DOCK11: variants seen among roughly 807,000 people sequenced by gnomAD.
DOCK11 encodes the protein dedicator of cytokinesis 11.
DOCK11 carries 70 observed loss-of-function variants against 169.1 expected under a neutral mutation model. The ratio of observed to expected loss-of-function variants is 0.41; its 90% CI spans 0.34 to 0.51. The LOEUF is 0.51. Ranked by LOEUF, DOCK11 falls within the 20% of genes least tolerant of loss-of-function variation. The pLI is 0.10. For synonymous variants in DOCK11, 529 were observed against 541.3 expected (o/e 0.98, Z 0.32); for missense variants, 1,166 against 1,538.8 (o/e 0.76, Z 4.05).
chrX:118,524,879 G>A (rs895011287), intron 1 of DOCK11, among the ~76,000 whole-genome samples: 2 of 111,407 alleles, frequency 1.8e-5, no homozygotes, highest in Admixed American at 9.5e-5. Context: ...TGGGAGAGGT[G>A]GCTCACACCT....
intron 31 of DOCK11, among the ~76,000 whole-genome samples, chrX:118,619,495 A>T (rs900114668): frequency 2.9e-4 from 28 of 97,096 alleles, no homozygotes; most frequent in African/African-American, 9.2e-4. Flanking sequence ...AAAAAAAAAA[A>T]AAATATATAT....
rs777811564 is a variant in DOCK11, at chrX:118,593,289, A to C, written c.2215A>C (p.Ile739Leu). 8.3e-7 allele frequency: 1 copy of C among 1,205,204 alleles called. No individual in the cohort carries two copies. Among genetic ancestry groups the C allele is most frequent in the Non-Finnish European group, 1.1e-6 (1 of 893,468 alleles). Residue 739 changes from isoleucine (I) to leucine (L), a missense_variant, in exon 20 of 53, where the codon ATT (isoleucine) becomes CTT (leucine). Transcript: ENST00000276202. ...CACTTTTTATCATGTAAGTTGTGAA[A>C]TTAACACAAAGGGAACAACCAAAAA... is the stretch of plus-strand genomic sequence containing the variant. ...LFTFYHVSCE[I>L]NTKGTTKKQD...
intron 23 of DOCK11, among the ~76,000 whole-genome samples, chrX:118,601,678 C>G (rs759524917): frequency 8.9e-6 from 1 of 112,035 alleles, no homozygotes; most frequent in African/African-American, 3.2e-5. Context: ...GTGACCTACG[C>G]TCTCCCTCTA....
At chrX:118,570,055 G>A (rs1375025286) in intron 10 of DOCK11, among the ~76,000 whole-genome samples, 1 of 112,406 alleles carries the variant, frequency 8.9e-6, no homozygotes, top group Non-Finnish European at 1.9e-5. Context: ...GAAGCTTTAA[G>A]GAGAAGAAAT....
intron 49 of DOCK11, 151 bp downstream of exon 49, chrX:118,680,843 G>A: frequency 1.7e-6 from 1 of 576,941 alleles, no homozygotes; most frequent in East Asian, 3.6e-5. Flanking sequence ...ACGTCCATGT[G>A]ATAAACCATC....
At chrX:118,516,449 TC>T in intron 1 of DOCK11, among the ~76,000 whole-genome samples, 1 of 99,249 alleles carries the variant, frequency 1.0e-5, no homozygotes, top group East Asian at 3.4e-4. Flanking sequence ...CTTCTTTCTT[TC>T]TCTCTCCGCC....
At chrX:118,683,816 T>TC (rs2016795220) in intron 52 of DOCK11, among the ~76,000 whole-genome samples, 1 of 112,427 alleles carries the variant, frequency 8.9e-6, no homozygotes, top group South Asian at 3.6e-4. Context: ...CTGTCGTATT[T>TC]CCCACTTGTC....
intron 1 of DOCK11, among the ~76,000 whole-genome samples, chrX:118,498,084 A>T (rs887866800): frequency 7.3e-4 from 82 of 112,278 alleles, no homozygotes; most frequent in African/African-American, 2.6e-3. Flanking sequence ...GACCAAGGTC[A>T]TTGATTTTTA....
At chrX:118,644,864 G>A (rs781427431) in intron 40 of DOCK11, among the ~76,000 whole-genome samples, 1 of 111,781 alleles carries the variant, frequency 8.9e-6, no homozygotes, top group East Asian at 2.8e-4. Flanking sequence ...TGTATTAAGA[G>A]GGAATTGGTA....
chrX:118,596,767 T>A (rs1022456866), intron 20 of DOCK11, among the ~76,000 whole-genome samples: 3 of 111,909 alleles, frequency 2.7e-5, no homozygotes, highest in Non-Finnish European at 5.6e-5. Flanking sequence ...GGGGAAAATC[T>A]CTTGATGGAT....
At chrX:118,511,206 C>T (rs2057649255) in intron 1 of DOCK11, among the ~76,000 whole-genome samples, 1 of 112,373 alleles carries the variant, frequency 8.9e-6, no homozygotes, top group Non-Finnish European at 1.9e-5. Flanking sequence ...CACTGAAAAT[C>T]ATTATAGAAA....
chrX:118,502,569 CT>C (rs2057582206), intron 1 of DOCK11, among the ~76,000 whole-genome samples: 1 of 111,692 alleles, frequency 9.0e-6, no homozygotes, highest in South Asian at 3.7e-4. Context: ...CAGATCTGGT[CT>C]TGAACCCAAC....
In DOCK11 at chrX:118,497,724, C is replaced by G. The variant is rs768465451; in HGVS notation, c.102+1651C>G. Among the ~76,000 whole-genome samples the G allele has an allele frequency of 8.9e-5, 10 of 111,994 alleles. No homozygotes were observed. In the South Asian group the frequency reaches 1.5e-3, roughly 17 times the overall value. On this transcript the variant is annotated intron_variant, in intron 1 of 52. Transcript: ENST00000276202. The stretch of plus-strand genomic sequence containing the variant: ...AATCTACCTAGCAGAGAACGCTTTC[C>G]TAAATTCAGAGAAAACAAAAAACCT...
intron 6 of DOCK11, among the ~76,000 whole-genome samples, chrX:118,552,545 C>G (rs2012535929): frequency 8.9e-6 from 1 of 112,544 alleles, no homozygotes. Context: ...CTGAAATGGG[C>G]ATATTTTCCC....
chrX:118,588,159 G>A lies in DOCK11; in HGVS notation c.1818G>A (p.Val606=). Residue 606 remains valine, a synonymous_variant, in exon 17 of 53, where the codon GTG becomes GTA. Transcript: ENST00000276202. ...TAGATTGTATTACTTCTTCATATGTGCCCTTGAAGCCTTTTGAAAAGAATT... is the reference window on the plus strand; with the variant it reads ...TAGATTGTATTACTTCTTCATATGTACCCTTGAAGCCTTTTGAAAAGAATT... The part of the protein sequence containing the change: ...DLSNCITSSY[V]PLKPFEKNCQ... 1 of 1,190,267 alleles carries A rather than the reference G, an allele frequency of 8.4e-7. No individual in the cohort carries two copies.
chrX:118,558,067 C>T (rs1206621398), intron 6 of DOCK11, among the ~76,000 whole-genome samples: 3 of 103,693 alleles, frequency 2.9e-5, no homozygotes, highest in Non-Finnish European at 5.9e-5. Context: ...CTCCGCCTCC[C>T]GGGTACAAGT....
chrX:118,517,134 C>T (rs1225436536), intron 1 of DOCK11, among the ~76,000 whole-genome samples: 1 of 111,233 alleles, frequency 9.0e-6, no homozygotes, highest in Non-Finnish European at 1.9e-5. Context: ...ACCTGTAATC[C>T]TAGTGACTCA....
At position 118,584,400 on chromosome X, in the gene DOCK11, T is replaced by C. The variant is rs534640742; in HGVS notation, c.1596-335T>C. On this transcript the variant is annotated intron_variant, in intron 14 of 52. Transcript: ENST00000276202. ...GTAGTTCATTTTGAGCAGTATCCCA[T>C]TGCGTGAATATACAGCAGTTTGCTT... Among the ~76,000 whole-genome samples the C allele has an allele frequency of 5.5e-5, 6 of 109,267 alleles. No individual in the cohort carries two copies. In the South Asian group the frequency reaches 2.3e-3, roughly 42 times the overall value. 94.9% of individuals were successfully genotyped at this position (109,267 alleles called of 115,157 possible).
At chrX:118,645,220 G>A (rs1280205929) in intron 40 of DOCK11, among the ~76,000 whole-genome samples, 1 of 111,181 alleles carries the variant, frequency 9.0e-6, no homozygotes, top group African/African-American at 3.3e-5. Context: ...AGATTGGAGA[G>A]CCAGAGTTGG....
Sources: allele counts gnomAD v4.1 joint callset (sites outside exome capture counted in the v4.1 genomes callset), GRCh38; gene constraint gnomAD v4.1.1; transcripts MANE v1.5; gene names NCBI Gene and HGNC (gene_info 2026-07-23, HGNC 2026-07-21).